USP31: variants seen among roughly 807,000 people sequenced by gnomAD.
The protein encoded by USP31 is ubiquitin carboxyl-terminal hydrolase 31.
USP31 carries 44 observed loss-of-function variants against 119.4 expected under a neutral mutation model. The ratio of observed to expected loss-of-function variants is 0.37; its 90% CI spans 0.29 to 0.47. The LOEUF is 0.47. USP31 is among the 20% of genes least tolerant of loss of function. USP31 has a pLI of 0.99. For missense variants in USP31, 1,643 were observed against 1,730.2 expected (o/e 0.95, Z 0.89); for synonymous variants, 749 against 705.6 (o/e 1.06, Z -0.97).
intron 1 of USP31, among the ~76,000 whole-genome samples, chr16:23,132,331 GGT>G (rs1491208315): frequency 1.2e-4 from 16 of 134,016 alleles, no homozygotes; most frequent in African/African-American, 1.5e-4. Flanking sequence ...AAATATAAAA[GGT>G]TTTTTTTTTT....
chr16:23,072,315 C>CT, intron 14 of USP31, 118 bp from the exon 15 acceptor site: 1 of 1,385,088 alleles, frequency 7.2e-7, no homozygotes, highest in African/African-American at 1.4e-5. Context: ...GTCCTCACCC[C>CT]GAGGTCAGCA....
rs763918612 is a variant in USP31, at chr16:23,068,879, T to G, written c.3226A>C (p.Lys1076Gln). 1.3e-6 allele frequency: 2 copies of G among 1,593,572 alleles called. No individual in the cohort carries two copies. Among genetic ancestry groups the G allele is most frequent in the Non-Finnish European group, 1.7e-6 (2 of 1,170,618 alleles). ...CTGCCCCTGGAAGAAGAATCTGCTT[T>G]GCTGCGGGAGCGGGAGGGCTTTAGA... ...VSLKPSRSRS[K>Q]ADSSSRGSGR... is the part of the protein sequence containing the mutation. The change falls in exon 16 of 16, where the codon AAA becomes CAA. Residue 1076 changes from lysine to glutamine, a missense_variant. Physicochemically the swap from Lys to Gln is moderately conservative, Grantham distance 53. This residue lies in a region of USP31 where 699 missense variants were observed against 650.9 expected (regional missense o/e 1.07). Transcript: ENST00000219689.
intron 1 of USP31, among the ~76,000 whole-genome samples, chr16:23,126,591 C>G (rs1902864039): frequency 6.7e-6 from 1 of 149,464 alleles, no homozygotes; most frequent in South Asian, 2.1e-4. Flanking sequence ...CACACCACCG[C>G]ACTCCAGCCT....
intron 6 of USP31, among the ~76,000 whole-genome samples, chr16:23,097,019 C>CA (rs1248306349): frequency 6.6e-6 from 1 of 151,616 alleles, no homozygotes; most frequent in East Asian, 1.9e-4. Flanking sequence ...GATAGAGACA[C>CA]AAAAAACCCT....
chr16:23,125,003 C>T (rs1207677905), intron 1 of USP31, among the ~76,000 whole-genome samples: 3 of 152,192 alleles, frequency 2.0e-5, no homozygotes. Flanking sequence ...GAACGTACTT[C>T]TCATCAGCAC....
intron 15 of USP31, among the ~76,000 whole-genome samples, chr16:23,071,504 G>A (rs981198229): frequency 1.3e-5 from 2 of 151,838 alleles, no homozygotes; most frequent in South Asian, 2.1e-4. Flanking sequence ...AATTTTTATC[G>A]GACTTTTTAC....
At chr16:23,147,266 G>A (rs539051204) in intron 1 of USP31, among the ~76,000 whole-genome samples, 1 of 151,978 alleles carries the variant, frequency 6.6e-6, no homozygotes, top group Non-Finnish European at 1.5e-5. Context: ...GAACCACCAC[G>A]CCCGTCTAAT....
rs964763336 is a variant in USP31 at position 23,064,129 on chromosome 16, G to C, written c.*3917C>G. ...AGTTCCACGCACCTCCAGAATACGT[G>C]TTTTATTGAAACTGTGCTTATGACT... On this transcript the variant is annotated 3_prime_UTR_variant, in exon 16 of 16. Coordinates refer to ENST00000219689, the MANE Select transcript of USP31 (RefSeq NM_020718.4). The C allele has an allele frequency of 2.6e-5, 4 of 152,606 alleles. No individual in the cohort carries two copies. The highest frequency in any genetic ancestry group is 9.7e-5 in the African/African-American group (4 of 41,446). 9.5% of individuals were successfully genotyped at this position (152,606 alleles called of 1,614,324 possible).
intron 1 of USP31, among the ~76,000 whole-genome samples, chr16:23,126,551 C>T (rs867263238): frequency 6.7e-6 from 1 of 150,016 alleles, no homozygotes. Flanking sequence ...GGTGTGAACC[C>T]GGGAGGTGGG....
chr16:23,117,026 C>T (rs1046069407), intron 1 of USP31, among the ~76,000 whole-genome samples: 16 of 152,124 alleles, frequency 1.1e-4, no homozygotes, highest in African/African-American at 3.6e-4. Flanking sequence ...TTATACTTAC[C>T]AGCTGAGTAT....
chr16:23,114,321 A>G (rs1902420671), intron 1 of USP31, among the ~76,000 whole-genome samples: 1 of 152,144 alleles, frequency 6.6e-6, no homozygotes, highest in African/African-American at 2.4e-5. Flanking sequence ...ACTGCCAAGA[A>G]GAGCTCTTAG....
chr16:23,093,236 A>G (rs970790998), intron 6 of USP31, among the ~76,000 whole-genome samples: 1 of 152,190 alleles, frequency 6.6e-6, no homozygotes, highest in African/African-American at 2.4e-5. Flanking sequence ...AAGAGAAAAA[A>G]CCCAGAGAAT....
rs914495141 is a variant in USP31, at chr16:23,148,719, G to A, written c.552C>T (p.Gly184=). Residue 184 remains glycine (G), a synonymous_variant, in exon 1 of 16, where the codon GGC becomes GGT. Transcript: ENST00000219689. ...QPAGRGAQGQ[G]EVTEQLAHLV... ...GGTGCGCCAGCTGCTCAGTGACCTCGCCCTGGCCCTGCGCGCCGCGGCCCG... is the reference window on the plus strand; with the variant it reads ...GGTGCGCCAGCTGCTCAGTGACCTCACCCTGGCCCTGCGCGCCGCGGCCCG... 6.8e-7 allele frequency: 1 copy of A among 1,480,522 alleles called. No individual in the cohort carries two copies. The highest frequency in any genetic ancestry group is 2.9e-5 in the East Asian group (1 of 34,188). 91.7% of individuals were successfully genotyped at this position (1,480,522 alleles called of 1,614,324 possible). A position where few individuals can be genotyped will look rare whatever the true frequency, so the allele number is the denominator to read the frequency against.
rs149815890 is a variant in USP31, at chr16:23,068,179, C to A, written c.3926G>T (p.Arg1309Leu). The A allele has an allele frequency of 3.3e-5, 53 of 1,614,034 alleles. No individual in the cohort carries two copies. Among genetic ancestry groups the A allele is most frequent in the South Asian group, 9.9e-5 (9 of 91,080 alleles). The change falls in exon 16 of 16, where the codon CGC becomes CTC. Residue 1309 changes from arginine to leucine, a missense_variant. By Grantham distance (102) the Arg-to-Leu change is moderately radical. Around this residue, in one of 5 missense-constraint regions of USP31, gnomAD observed 699 missense variants for 650.9 expected, o/e 1.07. Transcript: ENST00000219689. ...GTCTAGTTGGGAAGACTTGGATTTG[C>A]GAGCGGACAGCAGGGAATGTTTGGC... The part of the protein sequence containing the change: ...ASAKHSLLSA[R>L]KSKSSQLDSG...
rs529137743 is a variant in USP31 at position 23,095,057 on chromosome 16, G to A, written c.1235-4253C>T. Among the ~76,000 whole-genome samples the A allele has an allele frequency of 3.1e-4, 47 of 152,208 alleles. 1 individual carries two copies. The South Asian group carries it at 8.9e-3, about 29-fold the overall frequency. On this transcript the variant is annotated intron_variant, in intron 6 of 15. Transcript: ENST00000219689. The stretch of plus-strand genomic sequence containing the variant: ...AGAAGGTTGGTTCTCTGAGCTAAAG[G>A]AGCATGTTCAAACCCATCGCAAGGA...
At position 23,063,979 on chromosome 16, in the gene USP31, T is replaced by C. The variant is rs756545915; in HGVS notation, c.*4067A>G. 1.3e-5 allele frequency: 2 copies of C among 152,588 alleles called. No individual in the cohort carries two copies. The highest frequency in any genetic ancestry group is 2.9e-5 in the Non-Finnish European group (2 of 68,022). 9.5% of individuals were successfully genotyped at this position (152,588 alleles called of 1,614,324 possible). The stretch of plus-strand genomic sequence containing the variant: ...CAAACCATGTAGTAGAGTTTAACAA[T>C]AATGTACCCTTTATGAAATGAAAGT... On this transcript the variant is annotated 3_prime_UTR_variant, in exon 16 of 16. Transcript: ENST00000219689.
Position 23,106,210 on chromosome 16 carries a change from T to C in USP31, c.953+3A>G. 1 of 1,614,166 alleles carries C rather than the reference T, an allele frequency of 6.2e-7. No individual in the cohort carries two copies. Among genetic ancestry groups the C allele is most frequent in the Non-Finnish European group, 8.5e-7 (1 of 1,180,012 alleles). On this transcript the variant is annotated splice_donor_region_variant and intron_variant, in intron 4 of 15. Transcript: ENST00000219689. ...GTCTTCATTTTACTAAATCCATTCT[T>C]ACCTTGTGTGGGGCAGAGGAATTGG...
chr16:23,087,411 T>C (rs1420306118), intron 8 of USP31, among the ~76,000 whole-genome samples: 1 of 152,252 alleles, frequency 6.6e-6, no homozygotes, highest in East Asian at 1.9e-4. Flanking sequence ...AGTAACACAT[T>C]GCCTTTACTA....
At chr16:23,084,222 C>A (rs1285394290) in intron 11 of USP31, among the ~76,000 whole-genome samples, 1 of 152,178 alleles carries the variant, frequency 6.6e-6, no homozygotes, top group Non-Finnish European at 1.5e-5. Context: ...TTATAAGGTG[C>A]ATAAAAATCA....
Sources: gnomAD v4.1 joint callset for allele counts (sites outside exome capture counted in the v4.1 genomes callset) on GRCh38, gnomAD v4.1.1 for gene constraint, gnomAD v4.1.1 regional missense constraint, MANE v1.5 for transcripts, NCBI Gene and HGNC (gene_info 2026-07-23, HGNC 2026-07-21) for gene names.